Variants in CLDN10 observed in about 807,000 individuals in gnomAD.
CLDN10 encodes claudin 10, also known as claudin-10.
In CLDN10, 15 loss-of-function variants were observed where a neutral mutation model predicts 22.9. That is an observed-to-expected ratio of 0.65 (90% CI 0.44 to 1.01). The LOEUF is 1.01. Among genes scored for constraint, CLDN10 ranks in the 50% least tolerant of loss-of-function variants. CLDN10 has a pLI of 0.00. For missense variants in CLDN10, 247 were observed against 287.8 expected (o/e 0.86, Z 1.03); for synonymous variants, 114 against 111.4 (o/e 1.02, Z -0.15).
At chr13:95,502,506 G>GTGTTT (rs1566304624) in intron 1 of CLDN10, among the ~76,000 whole-genome samples, 1 of 151,928 alleles carries the variant, frequency 6.6e-6, no homozygotes, top group Non-Finnish European at 1.5e-5. Flanking sequence ...TCTTGTTGTT[G>GTGTTT]TGTTTTGTTT....
At chr13:95,521,516 C>T (rs1484523195) in intron 1 of CLDN10, among the ~76,000 whole-genome samples, 8 of 152,090 alleles carry the variant, frequency 5.3e-5, no homozygotes, top group Middle Eastern at 3.4e-3. Flanking sequence ...CCAAACTCTG[C>T]GATGTCAAAT....
At chr13:95,537,620 C>G (rs1228460239) in intron 1 of CLDN10, among the ~76,000 whole-genome samples, 4 of 152,110 alleles carry the variant, frequency 2.6e-5, no homozygotes, top group Admixed American at 2.0e-4. Flanking sequence ...TTCATTTAAC[C>G]AAATTCTTTA....
At chr13:95,444,620 G>A (rs1201705105) in intron 1 of CLDN10, among the ~76,000 whole-genome samples, 4 of 152,318 alleles carry the variant, frequency 2.6e-5, no homozygotes, top group Admixed American at 6.5e-5. Flanking sequence ...AAAGATGGGC[G>A]AAGTTTCACA....
chr13:95,468,391 C>G (rs1285244356), intron 1 of CLDN10, among the ~76,000 whole-genome samples: 1 of 152,150 alleles, frequency 6.6e-6, no homozygotes, highest in East Asian at 1.9e-4. Flanking sequence ...GACCATTTCT[C>G]CAAAGAACCC....
chr13:95,552,540 C>T (rs1024644917), upstream of CLDN10, among the ~76,000 whole-genome samples: 1 of 150,872 alleles, frequency 6.6e-6, no homozygotes, highest in Non-Finnish European at 1.5e-5. Flanking sequence ...ATGGAGAACC[C>T]GGGGGGCGAC....
At chr13:95,502,855 T>C (rs906858889) in intron 1 of CLDN10, among the ~76,000 whole-genome samples, 9 of 152,204 alleles carry the variant, frequency 5.9e-5, no homozygotes, top group African/African-American at 1.7e-4. Context: ...ATGTGCACTC[T>C]CCCGATGCAT....
chr13:95,552,979 C>A lies in CLDN10; in HGVS notation c.220+6C>A, dbSNP rs563014813. 1 of 1,613,364 alleles carries A rather than the reference C, an allele frequency of 6.2e-7. No individual in the cohort carries two copies. Among genetic ancestry groups the A allele is most frequent in the East Asian group, 2.2e-5 (1 of 44,862 alleles). On this transcript the variant is annotated splice_donor_region_variant and intron_variant, in intron 1 of 4. Coordinates refer to ENST00000299339, the MANE Select transcript of CLDN10 (RefSeq NM_006984.5). ...CTCCATGCTGGCGCTGGACGGTCTG[C>A]ATCCCCGCGGCCCCCGCCCTCAGCC... is the stretch of plus-strand genomic sequence containing the variant.
At chr13:95,521,147 T>C (rs1225769654) in intron 1 of CLDN10, among the ~76,000 whole-genome samples, 1 of 152,242 alleles carries the variant, frequency 6.6e-6, no homozygotes, top group Admixed American at 6.5e-5. Context: ...TAATTTCATT[T>C]CTTCCTTCCC....
chr13:95,488,383 A>G (rs1010188317), intron 1 of CLDN10, among the ~76,000 whole-genome samples: 2 of 151,556 alleles, frequency 1.3e-5, no homozygotes, highest in Admixed American at 6.6e-5. Context: ...TTTTTTTTCC[A>G]TAAGTTATTG....
rs1041788479 is a variant in CLDN10, at chr13:95,576,472, T to A, written c.465-759T>A. On this transcript the variant is annotated intron_variant, in intron 3 of 4. Coordinates refer to ENST00000299339, the MANE Select transcript of CLDN10 (RefSeq NM_006984.5). ...AGCTAAACAAACATGAGAACACACA[T>A]AGTCCCTGAAATTTTGGTGTACTTT... is the stretch of plus-strand genomic sequence containing the variant. 2.0e-5 allele frequency among the ~76,000 whole-genome samples: 3 copies of A among 152,176 alleles called. No individual in the cohort carries two copies. In the East Asian group the frequency reaches 5.8e-4, roughly 29 times the overall value.
chr13:95,560,725 G>A, intron 3 of CLDN10: 2 of 394,236 alleles, frequency 5.1e-6, no homozygotes, highest in South Asian at 6.0e-5. Flanking sequence ...ATCGTTTGCT[G>A]TACATCATGA....
At chr13:95,550,342 G>C (rs748481104), upstream of CLDN10, among the ~76,000 whole-genome samples, 19 of 152,106 alleles carry the variant, frequency 1.2e-4, no homozygotes, top group Admixed American at 3.3e-4. Context: ...CCAAACAGTG[G>C]ACTTCATAGC....
Position 95,449,060 on chromosome 13 carries a change from C to T in CLDN10, c.214+15013C>T, listed in dbSNP as rs544424276. On this transcript the variant is annotated intron_variant, in intron 1 of 4. Transcript: ENST00000376873. ...CGTTCCACTAAGCCATACTCTAAAT[C>T]ACCTTACTTCCTTCCAGGTCTCCCA... Among the ~76,000 whole-genome samples, 5 of 152,072 alleles carry T rather than the reference C, an allele frequency of 3.3e-5. No homozygotes were observed. The East Asian group carries it at 9.7e-4, about 30-fold the overall frequency.
chr13:95,492,489 C>G (rs1446050661), intron 1 of CLDN10, among the ~76,000 whole-genome samples: 1 of 152,038 alleles, frequency 6.6e-6, no homozygotes, highest in Non-Finnish European at 1.5e-5. Context: ...CCACAGAAAC[C>G]GAAGGGTCGG....
At chr13:95,479,093 G>A (rs918968732) in intron 1 of CLDN10, among the ~76,000 whole-genome samples, 1 of 152,246 alleles carries the variant, frequency 6.6e-6, no homozygotes, top group African/African-American at 2.4e-5. Flanking sequence ...GCTCATGCCT[G>A]TAATCCCAGC....
chr13:95,456,729 C>T (rs1436905959), intron 1 of CLDN10, among the ~76,000 whole-genome samples: 5 of 152,194 alleles, frequency 3.3e-5, no homozygotes, highest in Non-Finnish European at 2.9e-5. Context: ...TACACTCCAG[C>T]TTGTGCTACA....
upstream of CLDN10, among the ~76,000 whole-genome samples, chr13:95,549,948 A>G (rs750333995): frequency 6.6e-6 from 1 of 152,216 alleles, no homozygotes; most frequent in Non-Finnish European, 1.5e-5. Flanking sequence ...AATGAGTTTA[A>G]TATTCTTTCT....
rs776857009 is a variant in CLDN10 at position 95,471,453 on chromosome 13, A to ATATATATATAT, written c.214+37407_214+37408insATATATATATT. Among the ~76,000 whole-genome samples the ATATATATATAT allele has an allele frequency of 8.6e-4, 92 of 106,392 alleles. 1 individual carries two copies. Among genetic ancestry groups the ATATATATATAT allele is most frequent in the Non-Finnish European group, 1.2e-3 (67 of 55,294 alleles). 69.8% of individuals were successfully genotyped at this position (106,392 alleles called of 152,430 possible). ...CACACACACACACATATATATATAT[A>ATATATATATAT]TTTTTTTTTTTTTTTTTGAGATGGA... On this transcript the variant is annotated intron_variant, in intron 1 of 4. Coordinates refer to the CLDN10 transcript ENST00000376873.
intron 1 of CLDN10, among the ~76,000 whole-genome samples, chr13:95,542,684 G>A (rs1029440395): frequency 1.3e-5 from 2 of 152,066 alleles, no homozygotes; most frequent in African/African-American, 2.4e-5. Context: ...GCGCACGCCT[G>A]TAGTTGCAGC....
Sources: gnomAD v4.1 joint callset for allele counts (sites outside exome capture counted in the v4.1 genomes callset) on GRCh38, gnomAD v4.1.1 for gene constraint, MANE v1.5 for transcripts, NCBI Gene and HGNC (gene_info 2026-07-23, HGNC 2026-07-21) for gene names.